The following ARHGEF9 variants were observed in gnomAD, a reference collection of about 807,000 sequenced individuals.
ARHGEF9 encodes rho guanine nucleotide exchange factor 9.
A neutral mutation model predicts 41.3 loss-of-function variants in ARHGEF9; 2 were observed. The observed-to-expected ratio is 0.05, with a 90% confidence interval of 0.02 to 0.15. The LOEUF (loss-of-function observed/expected upper bound fraction) is 0.15, where lower values mean the gene tolerates loss of function less well. ARHGEF9 is among the 10% of genes least tolerant of loss of function. The pLI, the probability that ARHGEF9 is intolerant of heterozygous loss-of-function variation, is 1.00. For synonymous variants in ARHGEF9, 160 were observed against 154.4 expected, an observed-to-expected ratio of 1.04 and a Z score of -0.27; for missense variants, 225 against 424.7, an observed-to-expected ratio of 0.53 and a Z score of 4.13.
intron 1 of ARHGEF9, among the ~76,000 whole-genome samples, chrX:63,739,198 TG>T (rs1489746988): frequency 9.0e-6 from 1 of 110,952 alleles, no homozygotes; most frequent in African/African-American, 3.3e-5. Flanking sequence ...TGTGAGGAGG[TG>T]CGGGTGACCA....
intron 4 of ARHGEF9, among the ~76,000 whole-genome samples, chrX:63,686,618 G>A (rs1326554040): frequency 8.9e-6 from 1 of 111,740 alleles, no homozygotes; most frequent in Non-Finnish European, 1.9e-5. Context: ...GGGATATAAT[G>A]TCTGCAAATA....
intron 1 of ARHGEF9, among the ~76,000 whole-genome samples, chrX:63,774,594 C>G (rs1416442725): frequency 4.5e-5 from 5 of 111,505 alleles, no homozygotes; most frequent in Admixed American, 1.9e-4. Context: ...CCTTTAATGC[C>G]TTGATTCTTT....
At chrX:63,754,968 C>A in intron 1 of ARHGEF9, 1 of 938,695 alleles carries the variant, frequency 1.1e-6, no homozygotes, top group Non-Finnish European at 1.3e-6. Flanking sequence ...GGCGTGCGTC[C>A]GTCCGCCTGC....
chrX:63,655,043 T>C (rs189703621), intron 8 of ARHGEF9, among the ~76,000 whole-genome samples: 1 of 112,611 alleles, frequency 8.9e-6, no homozygotes, highest in African/African-American at 3.2e-5. Context: ...CTTTAAATAC[T>C]TCCACACAGA....
intron 2 of ARHGEF9, among the ~76,000 whole-genome samples, chrX:63,714,657 T>C (rs2053174431): frequency 8.9e-6 from 1 of 111,986 alleles, no homozygotes; most frequent in Admixed American, 9.4e-5. Flanking sequence ...TCTATCTATC[T>C]CATGGGGCTG....
chrX:63,669,100 G>T (rs2049776799), intron 6 of ARHGEF9, among the ~76,000 whole-genome samples: 2 of 112,294 alleles, frequency 1.8e-5, no homozygotes, highest in Admixed American at 1.9e-4. Context: ...GTTCCTGTTT[G>T]ACCCACTTCA....
chrX:63,775,890 G>A (rs2056286024), intron 1 of ARHGEF9, among the ~76,000 whole-genome samples: 1 of 111,127 alleles, frequency 9.0e-6, no homozygotes, highest in South Asian at 3.9e-4. Flanking sequence ...TCTCTTGGAA[G>A]CCCTACACAA....
chrX:63,784,360 C>T (rs2056427202), intron 1 of ARHGEF9, among the ~76,000 whole-genome samples: 1 of 112,665 alleles, frequency 8.9e-6, no homozygotes, highest in Non-Finnish European at 1.9e-5. Flanking sequence ...GAGAAGGGAA[C>T]ACCATGGCAT....
At chrX:63,724,382 G>T (rs2053833246) in intron 2 of ARHGEF9, 150 bp downstream of exon 2, 4 of 605,274 alleles carry the variant, frequency 6.6e-6, no homozygotes, top group Non-Finnish European at 1.0e-5. Context: ...GGAAGCCCAG[G>T]TTCTCTGTAT....
chrX:63,692,127 C>T (rs2051395146), intron 4 of ARHGEF9, among the ~76,000 whole-genome samples: 1 of 111,846 alleles, frequency 8.9e-6, no homozygotes, highest in South Asian at 3.7e-4. Context: ...TGGAAAAATG[C>T]CTCAGGTCAT....
chrX:63,635,181 C>CA lies in ARHGEF9; in HGVS notation c.*2846dup. The CA allele has an allele frequency of 8.7e-6, 3 of 343,312 alleles. No homozygotes were observed. Among genetic ancestry groups the CA allele is most frequent in the Non-Finnish European group, 1.0e-5 (2 of 190,958 alleles). The allele number at this position is 343,312 out of a possible 1,213,427, so 28.3% of individuals were successfully genotyped here. On this transcript the variant is annotated 3_prime_UTR_variant, in exon 10 of 10. Transcript: ENST00000671741. ...CCCATCCATCCACCCCAGCCCACCC[C>CA]ATCCCCAAAGCACTAAAAGATCACT...
intron 1 of ARHGEF9, among the ~76,000 whole-genome samples, chrX:63,773,166 A>T (rs1183559915): frequency 8.9e-6 from 1 of 111,985 alleles, no homozygotes; most frequent in East Asian, 2.8e-4. Context: ...ATACACACAA[A>T]CACAAAAAAC....
chrX:63,748,562 G>C (rs1231076755), intron 1 of ARHGEF9, among the ~76,000 whole-genome samples: 2 of 112,020 alleles, frequency 1.8e-5, no homozygotes, highest in Non-Finnish European at 3.8e-5. Context: ...AACTTCACAA[G>C]AGAGTAGAGG....
chrX:63,745,886 C>T (rs2055245182), intron 1 of ARHGEF9, among the ~76,000 whole-genome samples: 1 of 112,078 alleles, frequency 8.9e-6, no homozygotes, highest in Non-Finnish European at 1.9e-5. Context: ...AGATGGTTCC[C>T]TGGAACTTTA....
intron 9 of ARHGEF9, chrX:63,640,571 T>G (rs1392812631): frequency 8.9e-6 from 1 of 112,269 alleles, no homozygotes; most frequent in Non-Finnish European, 1.9e-5. Context: ...AGCATAAAAC[T>G]TTCAAGAAGT....
intron 5 of ARHGEF9, 40 bp downstream of exon 5, chrX:63,678,300 G>T: frequency 9.2e-7 from 1 of 1,084,711 alleles, no homozygotes; most frequent in Non-Finnish European, 1.3e-6. Context: ...ACAGATAGAG[G>T]AAGTTCCCTC....
intron 3 of ARHGEF9, 39 bp from the exon 4 acceptor site, chrX:63,697,343 G>A: frequency 8.5e-7 from 1 of 1,177,894 alleles, no homozygotes; most frequent in South Asian, 1.8e-5. Flanking sequence ...GGAAGTCCCT[G>A]ACTTCCAGAA....
chrX:63,753,246 C>T (rs1422913104), intron 1 of ARHGEF9, among the ~76,000 whole-genome samples: 1 of 111,624 alleles, frequency 9.0e-6, no homozygotes, highest in Admixed American at 9.4e-5. Flanking sequence ...CATCCCTTTC[C>T]TTCTAGACGT....
chrX:63,642,819 A>C (rs1478223994), intron 9 of ARHGEF9: 24 of 111,627 alleles, frequency 2.2e-4, no homozygotes, highest in Non-Finnish European at 4.3e-4. Context: ...GGGACAGTGA[A>C]CATGGCTATC....
Sources: gnomAD v4.1 joint callset for allele counts (sites outside exome capture counted in the v4.1 genomes callset) on GRCh38, gnomAD v4.1.1 for gene constraint, MANE v1.5 for transcripts, NCBI Gene and HGNC (gene_info 2026-07-23, HGNC 2026-07-21) for gene names.